ANKRD11: variants seen among roughly 807,000 people sequenced by gnomAD.
ANKRD11 encodes ankyrin repeat domain-containing protein 11.
ANKRD11 carries 17 observed loss-of-function variants against 195.7 expected under a neutral mutation model. The ratio of observed to expected loss-of-function variants is 0.09; its 90% confidence interval spans 0.06 to 0.13. ANKRD11 has a LOEUF of 0.13. Among genes scored for constraint, ANKRD11 ranks in the 10% least tolerant of loss-of-function variants. The pLI is 1.00. For synonymous variants in ANKRD11, 1,953 were observed against 1,528.1 expected (o/e 1.28, Z -6.49); for missense variants, 3,735 against 3,566.1 (o/e 1.05, Z -1.21).
chr16:89,335,145 C>T (rs970665833), intron 2 of ANKRD11, among the ~76,000 whole-genome samples: 24 of 152,210 alleles, frequency 1.6e-4, no homozygotes, highest in African/African-American at 5.8e-4. Context: ...TGCCCCATGT[C>T]CGGCCTGTGG....
intron 9 of ANKRD11, chr16:89,278,497 G>A (rs890921461): frequency 3.1e-5 from 14 of 455,908 alleles, no homozygotes; most frequent in Admixed American, 2.1e-4. Flanking sequence ...GCCTGCAGAG[G>A]TAGGGATGAT....
intron 3 of ANKRD11, among the ~76,000 whole-genome samples, chr16:89,305,665 T>TACCTCCCACTCCGCAGACACGCGCC (rs71158796): frequency 2.2e-4 from 16 of 71,558 alleles, no homozygotes; most frequent in Admixed American, 9.5e-4. Context: ...AGACACGCGC[T>TACCTCCCACTCCGCAGACACGCGCC]ACCTCCCACT....
In ANKRD11 at chr16:89,284,725, T is replaced by A. The variant is rs2151762576; in HGVS notation, c.1817A>T (p.Glu606Val). Residue 606 changes from glutamate to valine, a missense_variant, in exon 9 of 13, where the codon GAG (glutamate) becomes GTG (valine). Coordinates refer to ENST00000301030, the MANE Select transcript of ANKRD11 (RefSeq NM_013275.6). ...GCTGGACAGGAAGGGGCTCTTCTTC[T>A]CCGACAGGGAGGCTCGCTTCCTGTG... is the stretch of plus-strand genomic sequence containing the variant. Reference protein sequence around the residue: ...QEHRKRASLSEKKSPFLSSAE... With the variant: ...QEHRKRASLSVKKSPFLSSAE... 1 of 1,613,796 alleles carries A rather than the reference T, an allele frequency of 6.2e-7. No individual in the cohort carries two copies. The highest frequency in any genetic ancestry group is 2.2e-5 in the East Asian group (1 of 44,868).
At chr16:89,387,209 G>T (rs989575051) in intron 2 of ANKRD11, among the ~76,000 whole-genome samples, 8 of 151,730 alleles carry the variant, frequency 5.3e-5, no homozygotes, top group African/African-American at 1.9e-4. Flanking sequence ...AAACACACAG[G>T]AAGATCTGGA....
chr16:89,292,623 C>A (rs986638607), intron 4 of ANKRD11, among the ~76,000 whole-genome samples: 2 of 152,220 alleles, frequency 1.3e-5, no homozygotes, highest in African/African-American at 4.8e-5. Flanking sequence ...TGGGCAAAAC[C>A]CCAAGTACTG....
chr16:89,431,467 AT>A (rs2042975503), intron 1 of ANKRD11: 2 of 152,756 alleles, frequency 1.3e-5, no homozygotes, highest in Admixed American at 1.3e-4. Flanking sequence ...CCCTTAACAG[AT>A]GCCACCTCTG....
At position 89,271,038 on chromosome 16, in the gene ANKRD11, GCA is replaced by G. The variant is rs576482271; in HGVS notation, c.7714-131_7714-130del. 1,164 of 816,916 alleles carry G rather than the reference GCA, an allele frequency of 1.4e-3. 5 individuals carry two copies. The highest frequency in any genetic ancestry group is 4.0e-3 in the Middle Eastern group (18 of 4,532). The allele number at this position is 816,916 out of a possible 1,614,324, so 50.6% of individuals were successfully genotyped here. On this transcript the variant is annotated intron_variant, in intron 11 of 12. Coordinates refer to ENST00000301030, the MANE Select transcript of ANKRD11 (RefSeq NM_013275.6). Reference sequence around the variant, plus strand: ...CACAGGGGGAGCCTCATTCCACCGCGCACACACTGAATCATGTTCAAGGCATG... The same window carrying G: ...CACAGGGGGAGCCTCATTCCACCGCGCACACTGAATCATGTTCAAGGCATG...
At chr16:89,288,237 T>G (rs1711673441) in intron 7 of ANKRD11, 4 of 614,736 alleles carry the variant, frequency 6.5e-6, no homozygotes, top group African/African-American at 1.8e-5. Flanking sequence ...CTCCTTCCAC[T>G]TGGTGTAATC....
chr16:89,476,307 C>T (rs374015050), intron 1 of ANKRD11, among the ~76,000 whole-genome samples: 1 of 152,174 alleles, frequency 6.6e-6, no homozygotes, highest in African/African-American at 2.4e-5. Context: ...CCACCACAAT[C>T]GGGATGGTCA....
chr16:89,377,257 CT>C (rs1567719918), intron 2 of ANKRD11, among the ~76,000 whole-genome samples: 1 of 151,986 alleles, frequency 6.6e-6, no homozygotes, highest in Admixed American at 6.6e-5. Flanking sequence ...ATGGAAAGGA[CT>C]GTCAACATGG....
intron 2 of ANKRD11, among the ~76,000 whole-genome samples, chr16:89,336,201 T>C (rs2038344263): frequency 1.3e-5 from 2 of 152,226 alleles, no homozygotes; most frequent in Admixed American, 1.3e-4. Flanking sequence ...ACTGTCCTTG[T>C]GGGCTACTCA....
intron 2 of ANKRD11, among the ~76,000 whole-genome samples, chr16:89,335,582 ACGTCGCTTTGG>A (rs2038310449): frequency 6.6e-6 from 1 of 152,220 alleles, no homozygotes; most frequent in Non-Finnish European, 1.5e-5. Flanking sequence ...ACAGCGAGTG[ACGTCGCTTTGG>A]CAGGGAACCT....
At position 89,280,918 on chromosome 16, in the gene ANKRD11, A is replaced by T; in HGVS notation, c.5624T>A (p.Val1875Asp). 6.3e-7 allele frequency: 1 copy of T among 1,597,554 alleles called. No individual in the cohort carries two copies. The highest frequency in any genetic ancestry group is 8.6e-7 in the Non-Finnish European group (1 of 1,168,868). Residue 1875 changes from valine (V) to aspartate (D), a missense_variant, in exon 9 of 13, where the codon GTC becomes GAC. Val to Asp is a radical substitution (Grantham distance 152). Transcript: ENST00000301030. ...LHCPPAAVVT[V>D]TPSPEGVFSS... ...GAAGACGCCCTCTGGAGACGGGGTG[A>T]CAGTGACAACGGCAGCCGGTGGGCA...
intron 2 of ANKRD11, among the ~76,000 whole-genome samples, chr16:89,418,028 T>C (rs1442080590): frequency 6.6e-6 from 1 of 152,194 alleles, no homozygotes. Flanking sequence ...TTATAGGCTA[T>C]TAACAACCTA....
intron 1 of ANKRD11, among the ~76,000 whole-genome samples, chr16:89,441,527 G>A (rs912403620): frequency 5.9e-5 from 9 of 152,038 alleles, no homozygotes; most frequent in Non-Finnish European, 1.2e-4. Context: ...CAGCACTTTG[G>A]GAGGCCAAGG....
chr16:89,313,727 G>C, intron 3 of ANKRD11: 1 of 583,482 alleles, frequency 1.7e-6, no homozygotes, highest in South Asian at 1.7e-5. Context: ...TCTGGCACTT[G>C]GGGCTCACTT....
intron 1 of ANKRD11, among the ~76,000 whole-genome samples, chr16:89,480,780 A>G (rs189505955): frequency 1.3e-5 from 2 of 152,286 alleles, no homozygotes; most frequent in East Asian, 3.9e-4. Context: ...CTTGGCCATT[A>G]AAGTCATTTA....
chr16:89,288,397 G>A, intron 7 of ANKRD11, 131 bp downstream of exon 7: 1 of 1,415,184 alleles, frequency 7.1e-7, no homozygotes, highest in Non-Finnish European at 9.7e-7. Flanking sequence ...TCGGCCTTGA[G>A]GGTGGGCAAG....
At chr16:89,399,606 A>G (rs557683624) in intron 2 of ANKRD11, among the ~76,000 whole-genome samples, 31 of 152,126 alleles carry the variant, frequency 2.0e-4, no homozygotes, top group African/African-American at 2.2e-4. Context: ...GGATACGTTC[A>G]TCCAACCATA....
Sources: gnomAD v4.1 joint callset for allele counts (sites outside exome capture counted in the v4.1 genomes callset) on GRCh38, gnomAD v4.1.1 for gene constraint, MANE v1.5 for transcripts, NCBI Gene and HGNC (gene_info 2026-07-23, HGNC 2026-07-21) for gene names.